CFTR: variants seen among roughly 807,000 people sequenced by gnomAD.
The protein encoded by CFTR is cystic fibrosis transmembrane conductance regulator.
In CFTR, 181 loss-of-function variants were observed where a neutral mutation model predicts 171.6. The observed-to-expected ratio is 1.05, with a 90% CI of 0.93 to 1.19. The LOEUF is 1.19. Among genes scored for constraint, CFTR ranks in the 50% most tolerant of loss-of-function variants. The probability of loss-of-function intolerance (pLI) is 0.00; values close to 1 mark genes in which losing one functional copy is unlikely to be tolerated. For synonymous variants in CFTR, 583 were observed against 608.0 expected (o/e 0.96, Z 0.60); for missense variants, 1,968 against 1,734.7 (o/e 1.13, Z -2.39).
chr7:117,545,900 A>T (rs900880223), intron 9 of CFTR, among the ~76,000 whole-genome samples: 3 of 152,032 alleles, frequency 2.0e-5, no homozygotes, highest in Non-Finnish European at 4.4e-5. Flanking sequence ...AGCTCACTGT[A>T]ACCTTGAACT....
At chr7:117,583,658 A>G (rs988897340) in intron 11 of CFTR, among the ~76,000 whole-genome samples, 2 of 151,060 alleles carry the variant, frequency 1.3e-5, no homozygotes, top group South Asian at 2.1e-4. Context: ...TTTTTTCCAT[A>G]TAATGACTTC....
intron 8 of CFTR, among the ~76,000 whole-genome samples, chr7:117,541,522 G>A (rs1323853438): frequency 6.6e-6 from 1 of 152,098 alleles, no homozygotes; most frequent in Non-Finnish European, 1.5e-5. Flanking sequence ...CTCTAATAGA[G>A]CCCTTCTTTT....
intron 1 of CFTR, among the ~76,000 whole-genome samples, chr7:117,496,762 A>G (rs879138395): frequency 2.0e-5 from 3 of 152,156 alleles, no homozygotes; most frequent in African/African-American, 7.2e-5. Flanking sequence ...CTGTTTTCCA[A>G]AGTGGCTGCA....
Position 117,611,602 on chromosome 7 carries a change from A to C in CFTR, c.3161A>C (p.His1054Pro). ...ACAGGCAGGAGTCCAATTTTCACTC[A>C]TCTTGTTACAAGCTTAAAAGGACTA... is the stretch of plus-strand genomic sequence containing the variant. ...ESEGRSPIFT[H>P]LVTSLKGLWT... is the part of the protein sequence containing the mutation. The change falls in exon 20 of 27, where the codon CAT (histidine) becomes CCT (proline). Residue 1054 changes from histidine (H) to proline (P), a missense_variant. Coordinates refer to ENST00000003084, the MANE Select transcript of CFTR (RefSeq NM_000492.4). The C allele has an allele frequency of 6.2e-7, 1 of 1,611,558 alleles. No individual in the cohort carries two copies.
rs77932196 is a variant in CFTR at position 117,540,270 on chromosome 7, G to C, written c.1040G>C (p.Arg347Pro). 64 of 1,613,842 alleles carry C rather than the reference G, an allele frequency of 4.0e-5. No individual in the cohort carries two copies. Among genetic ancestry groups the C allele is most frequent in the Non-Finnish European group, 5.3e-5 (62 of 1,179,892 alleles). ...FTTISFCIVL[R>P]MAVTRQFPWA... ...ACCATCTCATTCTGCATTGTTCTGC[G>C]CATGGCGGTCACTCGGCAATTTCCC... Residue 347 changes from arginine (R) to proline (P), a missense_variant, in exon 8 of 27, where the codon CGC (arginine) becomes CCC (proline). By Grantham distance (103) the Arg-to-Pro change is moderately radical. Coordinates refer to ENST00000003084, the MANE Select transcript of CFTR (RefSeq NM_000492.4).
intron 2 of CFTR, among the ~76,000 whole-genome samples, chr7:117,508,514 C>A (rs1798459451): frequency 6.6e-6 from 1 of 152,172 alleles, no homozygotes; most frequent in Middle Eastern, 3.2e-3. Context: ...GTTTATGCCT[C>A]TACTTTTAAA....
At chr7:117,601,573 A>T (rs1022190835) in intron 15 of CFTR, among the ~76,000 whole-genome samples, 10 of 152,100 alleles carry the variant, frequency 6.6e-5, no homozygotes, top group African/African-American at 2.4e-4. Flanking sequence ...ATAAAATAAG[A>T]CTTGTTGATA....
chr7:117,587,281 G>A (rs1584809916), intron 11 of CFTR, among the ~76,000 whole-genome samples: 1 of 152,150 alleles, frequency 6.6e-6, no homozygotes, highest in East Asian at 1.9e-4. Flanking sequence ...CTTAGATCCT[G>A]CAGGGGTGTG....
In CFTR at chr7:117,540,169, A is replaced by C. The variant is rs202168465; in HGVS notation, c.939A>C (p.Ser313=). Residue 313 remains serine, a synonymous_variant, in exon 8 of 27, where the codon TCA becomes TCC. Transcript: ENST00000003084. ...TCAATAGCTCAGCCTTCTTCTTCTC[A>C]GGGTTCTTTGTGGTGTTTTTATCTG... ...RYFNSSAFFF[S]GFFVVFLSVL... The C allele has an allele frequency of 6.2e-7, 1 of 1,613,962 alleles. No homozygotes were observed. Among genetic ancestry groups the C allele is most frequent in the Non-Finnish European group, 8.5e-7 (1 of 1,179,874 alleles).
At position 117,480,165 on chromosome 7, in the gene CFTR, C is replaced by G; in HGVS notation, c.53+18C>G. On this transcript the variant is annotated intron_variant, in intron 1 of 26. Coordinates refer to ENST00000003084, the MANE Select transcript of CFTR (RefSeq NM_000492.4). ...TTTTTCAGGTGAGAAGGTGGCCAAC[C>G]GAGCTTCGGAAAGACACGTGCCCAC... 1 of 1,613,466 alleles carries G rather than the reference C, an allele frequency of 6.2e-7. No homozygotes were observed. Among genetic ancestry groups the G allele is most frequent in the Non-Finnish European group, 8.5e-7 (1 of 1,179,604 alleles).
chr7:117,604,653 T>G (rs570708806), intron 17 of CFTR: 48 of 152,314 alleles, frequency 3.2e-4, no homozygotes, highest in African/African-American at 1.1e-3. Flanking sequence ...GTAACAAAAT[T>G]TCAGTGTTAT....
At chr7:117,577,290 A>T (rs936514044) in intron 11 of CFTR, among the ~76,000 whole-genome samples, 2 of 152,140 alleles carry the variant, frequency 1.3e-5, no homozygotes, top group African/African-American at 4.8e-5. Flanking sequence ...ATGTCTTTTT[A>T]TGCCATTTTT....
At chr7:117,590,674 A>G (rs1441977767) in intron 13 of CFTR, among the ~76,000 whole-genome samples, 1 of 152,058 alleles carries the variant, frequency 6.6e-6, no homozygotes, top group Non-Finnish European at 1.5e-5. Context: ...TCTCATTGCT[A>G]TACTGTTATA....
chr7:117,603,843 T>A (rs1434691230), intron 17 of CFTR, 61 bp downstream of exon 17: 2 of 1,597,290 alleles, frequency 1.3e-6, no homozygotes, highest in Non-Finnish European at 1.7e-6. Flanking sequence ...CCTGTGGTTT[T>A]GTTGGTTTTC....
rs143486492 is a variant in CFTR at position 117,540,120 on chromosome 7, G to A, written c.890G>A (p.Arg297Gln). 1,427 of 1,613,130 alleles carry A rather than the reference G, an allele frequency of 8.8e-4. No individual in the cohort carries two copies. Among genetic ancestry groups the A allele is most frequent in the Non-Finnish European group, 1.1e-3 (1,324 of 1,179,242 alleles). Residue 297 changes from arginine to glutamine, a missense_variant, in exon 8 of 27, where the codon CGG (arginine) becomes CAG (glutamine). Coordinates refer to ENST00000003084, the MANE Select transcript of CFTR (RefSeq NM_000492.4). ...TATAGAACAGAACTGAAACTGACTC[G>A]GAAGGCAGCCTATGTGAGATACTTC... is the stretch of plus-strand genomic sequence containing the variant. ...NLRQTELKLT[R>Q]KAAYVRYFNS...
intron 20 of CFTR, among the ~76,000 whole-genome samples, chr7:117,612,019 A>ATACG (rs1554392373): frequency 2.2e-5 from 1 of 44,974 alleles, no homozygotes; most frequent in Non-Finnish European, 3.9e-5. Context: ...ATATATATAT[A>ATACG]TATGTATATA....
At chr7:117,627,477 TG>T in intron 21 of CFTR, 44 bp from the exon 22 acceptor site, 1 of 1,605,422 alleles carries the variant, frequency 6.2e-7, no homozygotes, top group Non-Finnish European at 8.5e-7. Flanking sequence ...ATTGTGAAAT[TG>T]TCTGCCATTC....
intron 5 of CFTR, 118 bp from the exon 6 acceptor site, chr7:117,535,130 A>G: frequency 1.9e-6 from 2 of 1,058,784 alleles, no homozygotes; most frequent in South Asian, 1.3e-5. Flanking sequence ...TGTGCTCAGA[A>G]CCACGAAGTG....
At chr7:117,656,113 C>T (rs893051013) in intron 24 of CFTR, among the ~76,000 whole-genome samples, 3 of 151,996 alleles carry the variant, frequency 2.0e-5, no homozygotes, top group Non-Finnish European at 2.9e-5. Flanking sequence ...AATCAATTTG[C>T]GTCAATGAAA....
Sources: allele counts gnomAD v4.1 joint callset (sites outside exome capture counted in the v4.1 genomes callset), GRCh38; gene constraint gnomAD v4.1.1; transcripts MANE v1.5; gene names NCBI Gene and HGNC (gene_info 2026-07-23, HGNC 2026-07-21).